Variants in MRPL37 observed in about 807,000 individuals in gnomAD.
MRPL37 encodes large ribosomal subunit protein mL37.
In MRPL37, 34 loss-of-function variants were observed where a neutral mutation model predicts 44.1. The ratio of observed to expected loss-of-function variants is 0.77; its 90% confidence interval spans 0.59 to 1.03. The LOEUF (loss-of-function observed/expected upper bound fraction) is 1.03. Among genes scored for constraint, MRPL37 ranks in the 50% least tolerant of loss-of-function variants. The pLI is 0.00. For synonymous variants in MRPL37, 212 were observed against 219.5 expected (o/e 0.97, Z 0.30); for missense variants, 532 against 543.7 (o/e 0.98, Z 0.21).
downstream of MRPL37, among the ~76,000 whole-genome samples, chr1:54,223,741 C>A (rs529527381): frequency 6.6e-6 from 1 of 152,334 alleles, no homozygotes; most frequent in South Asian, 2.1e-4. Context: ...ACTCCGGCAC[C>A]TCTCAGTGAT....
rs35801605 is a variant in MRPL37, at chr1:54,218,101, A to G, written c.1195-71A>G. On this transcript the variant is annotated intron_variant, in intron 6 of 6. Transcript: ENST00000360840. ...TGTCCAGGCACTGAAGATTTACTTC[A>G]ATCCAATCTTTGTTTTAATTGCTGC... is the stretch of plus-strand genomic sequence containing the variant. 141 of 1,363,804 alleles carry G rather than the reference A, an allele frequency of 1.0e-4. No individual in the cohort carries two copies. The Admixed American group carries it at 2.3e-3, about 22-fold the overall frequency. 84.5% of individuals were successfully genotyped at this position (1,363,804 alleles called of 1,614,324 possible).
chr1:54,216,444 C>G lies in MRPL37; in HGVS notation c.1194+100C>G. The G allele has an allele frequency of 2.9e-6, 4 of 1,389,676 alleles. No homozygotes were observed. In the South Asian group the frequency reaches 5.3e-5, roughly 18 times the overall value. The allele number at this position is 1,389,676 out of a possible 1,614,324, so 86.1% of individuals were successfully genotyped here. On this transcript the variant is annotated intron_variant, in intron 6 of 6. Coordinates refer to ENST00000360840, the MANE Select transcript of MRPL37 (RefSeq NM_016491.4). ...TGCTGGGGTGCTCTGTGAGGAGAGCCCTGGCCCTGGGGACTTCCCACCCGG... is the reference window on the plus strand; with the variant it reads ...TGCTGGGGTGCTCTGTGAGGAGAGCGCTGGCCCTGGGGACTTCCCACCCGG...
At chr1:54,201,821 G>T (rs1165991167) in intron 1 of MRPL37, among the ~76,000 whole-genome samples, 1 of 152,106 alleles carries the variant, frequency 6.6e-6, no homozygotes, top group Non-Finnish European at 1.5e-5. Context: ...CAGGGTAGAT[G>T]GTGACTTTCA....
chr1:54,208,897 A>T (rs866664026), intron 3 of MRPL37, among the ~76,000 whole-genome samples: 13 of 152,246 alleles, frequency 8.5e-5, no homozygotes, highest in African/African-American at 2.9e-4. Flanking sequence ...AGTAAGTAGA[A>T]GCCAGGATGC....
chr1:54,213,821 G>T (rs1322284813), intron 5 of MRPL37, among the ~76,000 whole-genome samples: 1 of 152,262 alleles, frequency 6.6e-6, no homozygotes, highest in Non-Finnish European at 1.5e-5. Context: ...GCCGAGGTAG[G>T]AGGATCACTT....
intron 1 of MRPL37, among the ~76,000 whole-genome samples, chr1:54,201,783 A>G (rs1407214182): frequency 6.6e-6 from 1 of 152,204 alleles, no homozygotes; most frequent in Non-Finnish European, 1.5e-5. Context: ...ATGAAATCCC[A>G]TCTAACTTGC....
chr1:54,219,830 A>G (rs1644221191), downstream of MRPL37, among the ~76,000 whole-genome samples: 1 of 152,178 alleles, frequency 6.6e-6, no homozygotes, highest in Non-Finnish European at 1.5e-5. Context: ...CCTGTTCTGC[A>G]CTTCCTTTTT....
downstream of MRPL37, among the ~76,000 whole-genome samples, chr1:54,220,379 G>A (rs1462640550): frequency 6.6e-6 from 1 of 152,210 alleles, no homozygotes; most frequent in Non-Finnish European, 1.5e-5. Context: ...AACCCACCCT[G>A]AATGAGGGCA....
Position 54,212,577 on chromosome 1 carries a change from C to G in MRPL37, c.909C>G (p.Arg303=), listed in dbSNP as rs1202200523. Residue 303 remains arginine, a synonymous_variant, in exon 5 of 7, where the codon CGC becomes CGG. Coordinates refer to ENST00000360840, the MANE Select transcript of MRPL37 (RefSeq NM_016491.4). ...ACAAAGCCAATTTACGACCACACCG[C>G]CTTCAACCAGATCAGCTGCGGGCCA... is the stretch of plus-strand genomic sequence containing the variant. The part of the protein sequence containing the change: ...LLDKANLRPH[R]LQPDQLRAKM... The G allele has an allele frequency of 6.2e-7, 1 of 1,614,230 alleles. No homozygotes were observed. Among genetic ancestry groups the G allele is most frequent in the South Asian group, 1.1e-5 (1 of 91,084 alleles).
chr1:54,200,418 A>G lies in MRPL37; in HGVS notation c.175A>G (p.Thr59Ala). ...CGAGATCCCTGGACTGGAGCCCATC[A>G]CCTTTGCGGGGAAGATGCACTTCGT... ...VYEIPGLEPI[T>A]FAGKMHFVPW... The change falls in exon 1 of 7, where the codon ACC (threonine) becomes GCC (alanine). Residue 59 changes from threonine to alanine, a missense_variant. Thr to Ala is a moderately conservative substitution (Grantham distance 58). Transcript: ENST00000360840. 2 of 1,614,100 alleles carry G rather than the reference A, an allele frequency of 1.2e-6. No homozygotes were observed. The highest frequency in any genetic ancestry group is 1.7e-6 in the Non-Finnish European group (2 of 1,180,014).
chr1:54,218,430 G>T (rs1363648827), downstream of MRPL37: 3 of 1,441,194 alleles, frequency 2.1e-6, no homozygotes, highest in East Asian at 7.3e-5. Flanking sequence ...GCCCACACAA[G>T]TCCAAGCCCT....
chr1:54,218,026 A>G (rs1202932166), intron 6 of MRPL37, 146 bp from the exon 7 acceptor site: 5 of 788,678 alleles, frequency 6.3e-6, no homozygotes, highest in South Asian at 1.6e-5. Flanking sequence ...CAGCCCCTCA[A>G]TGCCCCTTCT....
Position 54,210,055 on chromosome 1 carries a change from T to C in MRPL37, c.756T>C (p.Val252=), listed in dbSNP as rs146821141. 2 of 1,614,072 alleles carry C rather than the reference T, an allele frequency of 1.2e-6. No individual in the cohort carries two copies. Among genetic ancestry groups the C allele is most frequent in the African/African-American group, 2.7e-5 (2 of 74,918 alleles). The stretch of plus-strand genomic sequence containing the variant: ...AGATTGAAGCTACTAAGAATCATGT[T>C]CTAGAGACCTTCTACCCCATATCAC... ...REEIEATKNH[V]LETFYPISPI... Residue 252 remains valine, a synonymous_variant, in exon 4 of 7, where the codon GTT becomes GTC. Coordinates refer to ENST00000360840, the MANE Select transcript of MRPL37 (RefSeq NM_016491.4).
At chr1:54,216,970 T>C (rs890211760) in intron 6 of MRPL37, among the ~76,000 whole-genome samples, 3 of 152,078 alleles carry the variant, frequency 2.0e-5, no homozygotes, top group Non-Finnish European at 4.4e-5. Flanking sequence ...TGCGGCACCA[T>C]TGTGCTGCAC....
chr1:54,200,778 C>G (rs549656716), intron 1 of MRPL37, among the ~76,000 whole-genome samples, 189 bp downstream of exon 1: 24 of 152,294 alleles, frequency 1.6e-4, no homozygotes, highest in Non-Finnish European at 3.2e-4. Flanking sequence ...GGCCTCTGTG[C>G]AGGAGTAATA....
At chr1:54,218,105 C>T (rs988037468) in intron 6 of MRPL37, 67 bp from the exon 7 acceptor site, 3 of 1,382,496 alleles carry the variant, frequency 2.2e-6, no homozygotes, top group African/African-American at 2.9e-5. Context: ...TACTTCAATC[C>T]AATCTTTGTT....
At position 54,200,209 on chromosome 1, in the gene MRPL37, G is replaced by T. The variant is rs768928123; in HGVS notation, c.-35G>T. On this transcript the variant is annotated 5_prime_UTR_variant, in exon 1 of 7. Transcript: ENST00000360840. Reference sequence around the variant, plus strand: ...GGCCCTGCGCGCGGCAACATGGCGGGGTCCAGGTGGAGGTCTTGAGGCTAT... The same window carrying T: ...GGCCCTGCGCGCGGCAACATGGCGGTGTCCAGGTGGAGGTCTTGAGGCTAT... 12 of 1,508,236 alleles carry T rather than the reference G, an allele frequency of 8.0e-6. No individual in the cohort carries two copies. Among genetic ancestry groups the T allele is most frequent in the Non-Finnish European group, 1.1e-5 (12 of 1,135,480 alleles). The allele number at this position is 1,508,236 out of a possible 1,614,324, so 93.4% of individuals were successfully genotyped here.
At chr1:54,205,431 G>A in intron 3 of MRPL37, 21 bp downstream of exon 3, 1 of 1,594,746 alleles carries the variant, frequency 6.3e-7, no homozygotes, top group Non-Finnish European at 8.6e-7. Context: ...TTGTACACCA[G>A]AAAGCCTTGG....
At chr1:54,211,327 G>A (rs1433775518) in intron 4 of MRPL37, among the ~76,000 whole-genome samples, 1 of 152,104 alleles carries the variant, frequency 6.6e-6, no homozygotes, top group African/African-American at 2.4e-5. Flanking sequence ...GGCAGTGGCA[G>A]GCTCTGCTTG....
Sources: gnomAD v4.1 joint callset for allele counts (sites outside exome capture counted in the v4.1 genomes callset) on GRCh38, gnomAD v4.1.1 for gene constraint, MANE v1.5 for transcripts, NCBI Gene and HGNC (gene_info 2026-07-23, HGNC 2026-07-21) for gene names.